CEP112: variants seen among roughly 807,000 people sequenced by gnomAD.
The protein encoded by CEP112 is centrosomal protein of 112 kDa.
CEP112 carries 127 observed loss-of-function variants against 153.0 expected under a neutral mutation model. That is an observed-to-expected ratio of 0.83 (90% CI 0.72 to 0.96). The LOEUF (loss-of-function observed/expected upper bound fraction) is 0.96, where lower values mean the gene tolerates loss of function less well. CEP112 is among the 40% of genes least tolerant of loss of function. The pLI is 0.00. For synonymous variants in CEP112, 358 were observed against 374.4 expected (o/e 0.96, Z 0.51); for missense variants, 1,089 against 1,101.2 (o/e 0.99, Z 0.16).
chr17:65,740,022 G>C (rs1409350096), intron 23 of CEP112, among the ~76,000 whole-genome samples: 1 of 152,092 alleles, frequency 6.6e-6, no homozygotes, highest in Non-Finnish European at 1.5e-5. Flanking sequence ...CTACCACTCA[G>C]AGATATCCAT....
At chr17:65,703,950 C>T (rs2144626601) in intron 23 of CEP112, among the ~76,000 whole-genome samples, 1 of 152,044 alleles carries the variant, frequency 6.6e-6, no homozygotes, top group Admixed American at 6.6e-5. Flanking sequence ...TTATATCCTC[C>T]AGAGAGACAT....
At chr17:65,941,687 A>AGT (rs1000449588) in intron 18 of CEP112, 13 of 152,266 alleles carry the variant, frequency 8.5e-5, no homozygotes, top group Non-Finnish European at 1.9e-4. Flanking sequence ...ATTAAAACCT[A>AGT]GTGGCCAAAA....
chr17:65,936,795 TCCCCCTCCCCCTCC>T (rs1599069268), intron 18 of CEP112, among the ~76,000 whole-genome samples: 4 of 117,922 alleles, frequency 3.4e-5, no homozygotes, highest in East Asian at 6.3e-4. Flanking sequence ...CGTCTACCTC[TCCCCCTCCCCCTCC>T]CCCTCTCCCC....
At chr17:65,973,904 TCTAA>T (rs1407792471) in intron 17 of CEP112, among the ~76,000 whole-genome samples, 1 of 152,186 alleles carries the variant, frequency 6.6e-6, no homozygotes, top group Non-Finnish European at 1.5e-5. Context: ...GTATGACAAT[TCTAA>T]CTAAATAAGT....
intron 21 of CEP112, among the ~76,000 whole-genome samples, chr17:65,795,249 C>T (rs1001292198): frequency 3.3e-5 from 5 of 152,196 alleles, no homozygotes; most frequent in Admixed American, 2.6e-4. Context: ...GTCTAAACCA[C>T]TGAGATTCTT....
chr17:65,776,528 T>C (rs1294849224), intron 21 of CEP112, among the ~76,000 whole-genome samples: 2 of 152,228 alleles, frequency 1.3e-5, no homozygotes, highest in Non-Finnish European at 2.9e-5. Context: ...CCCGGCCAGC[T>C]GCCCCTTTTT....
At chr17:65,758,374 T>C (rs2052411026) in intron 21 of CEP112, among the ~76,000 whole-genome samples, 1 of 152,178 alleles carries the variant, frequency 6.6e-6, no homozygotes, top group Non-Finnish European at 1.5e-5. Context: ...TTTTAATTCC[T>C]AACAAAAGCT....
intron 8 of CEP112, among the ~76,000 whole-genome samples, chr17:66,089,373 A>G (rs559964609): frequency 6.6e-6 from 1 of 152,348 alleles, no homozygotes; most frequent in Non-Finnish European, 1.5e-5. Context: ...CTGCCTGACA[A>G]ATAATTCACA....
chr17:65,866,405 CACAA>C (rs1160595998), intron 20 of CEP112, among the ~76,000 whole-genome samples: 1 of 152,252 alleles, frequency 6.6e-6, no homozygotes, highest in African/African-American at 2.4e-5. Flanking sequence ...CGCCCCTTGG[CACAA>C]ACAGCCTGGG....
chr17:65,679,361 T>G (rs1283959362), intron 24 of CEP112, among the ~76,000 whole-genome samples: 1 of 151,974 alleles, frequency 6.6e-6, no homozygotes, highest in Non-Finnish European at 1.5e-5. Context: ...GTTATTAAAA[T>G]TACTCGAAAC....
At chr17:65,719,417 AT>A (rs1193629809) in intron 23 of CEP112, among the ~76,000 whole-genome samples, 1 of 152,184 alleles carries the variant, frequency 6.6e-6, no homozygotes, top group Non-Finnish European at 1.5e-5. Flanking sequence ...TCTATTAAAA[AT>A]TAAAAATACA....
intron 18 of CEP112, among the ~76,000 whole-genome samples, chr17:65,944,026 G>T (rs2061578679): frequency 6.6e-6 from 1 of 152,150 alleles, no homozygotes; most frequent in Admixed American, 6.5e-5. Flanking sequence ...GTTCTATGCA[G>T]CCATAAAAAG....
intron 4 of CEP112, among the ~76,000 whole-genome samples, chr17:66,148,574 CTTAG>C (rs1025626084): frequency 3.3e-5 from 5 of 152,090 alleles, no homozygotes; most frequent in Non-Finnish European, 7.4e-5. Context: ...CCTTCACCTC[CTTAG>C]TTAGGCTTAT....
intron 17 of CEP112, among the ~76,000 whole-genome samples, chr17:65,971,229 A>C (rs1364326391): frequency 2.6e-5 from 4 of 152,188 alleles, no homozygotes; most frequent in Admixed American, 2.0e-4. Context: ...TGTATATTAC[A>C]TACGTGCAAA....
chr17:65,759,376 C>T (rs1207636694), intron 21 of CEP112, among the ~76,000 whole-genome samples: 2 of 152,070 alleles, frequency 1.3e-5, no homozygotes, highest in African/African-American at 4.8e-5. Flanking sequence ...ATCCAAGAAC[C>T]CTCTCTTGGG....
At position 65,654,785 on chromosome 17, in the gene CEP112, G is replaced by T. The variant is rs944547941; in HGVS notation, c.2698-13720C>A. ...ACACACAGAGGAAAGACAGAAAATG[G>T]ATAACATAGTCAAAGGCCAGAAAAT... On this transcript the variant is annotated intron_variant, in intron 24 of 26. Coordinates refer to ENST00000535342, the MANE Select transcript of CEP112 (RefSeq NM_001199165.4). 59 of 375,170 alleles carry T rather than the reference G, an allele frequency of 1.6e-4. No homozygotes were observed. In the Admixed American group the frequency reaches 2.1e-3, roughly 14 times the overall value. 23.2% of individuals were successfully genotyped at this position (375,170 alleles called of 1,614,324 possible).
intron 24 of CEP112, among the ~76,000 whole-genome samples, chr17:65,686,062 G>T (rs1258766441): frequency 6.9e-6 from 1 of 144,684 alleles, no homozygotes; most frequent in Admixed American, 6.9e-5. Flanking sequence ...TGGATGAATA[G>T]TATTTGTTAA....
At chr17:66,085,777 G>A (rs1231691351) in intron 8 of CEP112, among the ~76,000 whole-genome samples, 1 of 152,092 alleles carries the variant, frequency 6.6e-6, no homozygotes, top group Non-Finnish European at 1.5e-5. Context: ...AGGAGTTTGA[G>A]ACCAGCCTGA....
At chr17:65,732,250 C>T (rs1275358316) in intron 23 of CEP112, among the ~76,000 whole-genome samples, 1 of 152,174 alleles carries the variant, frequency 6.6e-6, no homozygotes, top group African/African-American at 2.4e-5. Context: ...CTTGGGTGAC[C>T]AGGTGCATGG....
Sources: gnomAD v4.1 joint callset for allele counts (sites outside exome capture counted in the v4.1 genomes callset) on GRCh38, gnomAD v4.1.1 for gene constraint, MANE v1.5 for transcripts, NCBI Gene and HGNC (gene_info 2026-07-23, HGNC 2026-07-21) for gene names.